FBXO38: variants seen among roughly 807,000 people sequenced by gnomAD.
FBXO38 encodes the protein F-box only protein 38.
A neutral mutation model predicts 131.9 loss-of-function variants in FBXO38; 53 were observed. The observed-to-expected ratio is 0.40, with a 90% CI of 0.32 to 0.51. The LOEUF is 0.51. FBXO38 is among the 20% of genes least tolerant of loss of function. The pLI, the probability that FBXO38 is intolerant of heterozygous loss-of-function variation, is 0.53. For synonymous variants in FBXO38, 452 were observed against 505.6 expected, an observed-to-expected ratio of 0.89 and a Z score of 1.42; for missense variants, 1,076 against 1,475.6, an observed-to-expected ratio of 0.73 and a Z score of 4.44.
intron 14 of FBXO38, 71 bp downstream of exon 14, chr5:148,425,772 G>C: frequency 7.6e-7 from 1 of 1,311,274 alleles, no homozygotes; most frequent in Non-Finnish European, 1.1e-6. Flanking sequence ...GCCTTAATAT[G>C]ACAACTTGGG....
chr5:148,385,677 G>A (rs1363679512), intron 1 of FBXO38, among the ~76,000 whole-genome samples: 1 of 152,194 alleles, frequency 6.6e-6, no homozygotes, highest in Non-Finnish European at 1.5e-5. Context: ...TTTATGTGGT[G>A]TGGTATTTCT....
At chr5:148,402,681 CACTGGTGTGAGGGAAAT>C (rs1748633976) in intron 5 of FBXO38, 168 bp downstream of exon 5, 2 of 542,250 alleles carry the variant, frequency 3.7e-6, no homozygotes, top group African/African-American at 3.8e-5. Flanking sequence ...ATTAAAGATC[CACTGGTGTGAGGGAAAT>C]ACTGCTTCAC....
intron 7 of FBXO38, among the ~76,000 whole-genome samples, chr5:148,408,683 A>G (rs187871658): frequency 1.3e-5 from 2 of 152,332 alleles, no homozygotes; most frequent in East Asian, 1.9e-4. Flanking sequence ...TCTTTAAGCT[A>G]TATATTAGTA....
chr5:148,414,051 C>G, intron 9 of FBXO38, 85 bp from the exon 10 acceptor site: 1 of 1,309,434 alleles, frequency 7.6e-7, no homozygotes, highest in South Asian at 1.5e-5. Flanking sequence ...ACTTTTTATA[C>G]TGACTGGTAA....
chr5:148,395,030 AATTT>A (rs1274472959), intron 2 of FBXO38, 126 bp downstream of exon 2: 4 of 1,049,838 alleles, frequency 3.8e-6, no homozygotes, highest in Non-Finnish European at 4.0e-6. Flanking sequence ...AAAAATGTAA[AATTT>A]AGTTCGTCAG....
chr5:148,426,168 C>T (rs1391741758), intron 14 of FBXO38, among the ~76,000 whole-genome samples: 29 of 152,138 alleles, frequency 1.9e-4, no homozygotes, highest in Non-Finnish European at 1.5e-5. Context: ...GGCAACAACC[C>T]TCTGCAGTGC....
At position 148,425,470 on chromosome 5, in the gene FBXO38, T is replaced by C. The variant is rs1753658910; in HGVS notation, c.1739-52T>C. The C allele has an allele frequency of 2.1e-6, 3 of 1,417,276 alleles. No individual in the cohort carries two copies. In the African/African-American group the frequency reaches 4.3e-5, roughly 20 times the overall value. The allele number at this position is 1,417,276 out of a possible 1,614,324, so 87.8% of individuals were successfully genotyped here. The stretch of plus-strand genomic sequence containing the variant: ...GATCCCTGGAAACAGTACTTTGCAT[T>C]AGATCCTTTCTTGCGCAAAAAGTAA... On this transcript the variant is annotated intron_variant, in intron 13 of 21. Transcript: ENST00000340253.
chr5:148,413,839 AT>A, intron 9 of FBXO38: 1 of 244,724 alleles, frequency 4.1e-6, no homozygotes, highest in Non-Finnish European at 7.8e-6. Flanking sequence ...AACCAGTATG[AT>A]AGATCCTTCA....
chr5:148,435,194 C>T (rs972708542), intron 17 of FBXO38: 1 of 152,204 alleles, frequency 6.6e-6, no homozygotes, highest in Non-Finnish European at 1.5e-5. Flanking sequence ...GAGAGTATTG[C>T]CTGAATGTTG....
intron 17 of FBXO38, chr5:148,434,021 A>G (rs561993054): frequency 3.5e-4 from 75 of 214,094 alleles, no homozygotes; most frequent in Middle Eastern, 3.4e-3. Context: ...CTTTGGAGTC[A>G]GATAGACCTC....
chr5:148,395,796 A>G (rs1045980900), intron 2 of FBXO38, among the ~76,000 whole-genome samples: 2 of 151,790 alleles, frequency 1.3e-5, no homozygotes, highest in African/African-American at 4.8e-5. Context: ...ACTGCTTACT[A>G]TTCTATGGAA....
chr5:148,419,514 A>G (rs188416167), intron 12 of FBXO38, among the ~76,000 whole-genome samples: 59 of 152,346 alleles, frequency 3.9e-4, no homozygotes, highest in African/African-American at 1.3e-3. Flanking sequence ...CAAATCTTCA[A>G]GTGAAAATAA....
chr5:148,429,392 A>G (rs1476268028), intron 15 of FBXO38, among the ~76,000 whole-genome samples: 3 of 151,042 alleles, frequency 2.0e-5, no homozygotes, highest in Non-Finnish European at 2.9e-5. Flanking sequence ...ATGGATGTCC[A>G]TTCTCGTGCT....
rs1295909371 is a variant in FBXO38 at position 148,399,455 on chromosome 5, T to C, written c.262+323T>C. Reference sequence around the variant, plus strand: ...ACATTAGACACTGTGTGTCCTTTACTGTCTGATGCATGTTTTCCGGTGAAT... The same window carrying C: ...ACATTAGACACTGTGTGTCCTTTACCGTCTGATGCATGTTTTCCGGTGAAT... On this transcript the variant is annotated intron_variant, in intron 3 of 21. Coordinates refer to ENST00000340253, the MANE Select transcript of FBXO38 (RefSeq NM_205836.3). 2.5e-5 allele frequency: 5 copies of C among 201,090 alleles called. No homozygotes were observed. In the East Asian group the frequency reaches 4.9e-4, roughly 20 times the overall value. 12.5% of individuals were successfully genotyped at this position (201,090 alleles called of 1,614,324 possible). A position where few individuals can be genotyped will look rare whatever the true frequency, so the allele number is the denominator to read the frequency against.
At chr5:148,411,036 T>C (rs1317446675) in intron 9 of FBXO38, among the ~76,000 whole-genome samples, 1 of 152,216 alleles carries the variant, frequency 6.6e-6, no homozygotes, top group Non-Finnish European at 1.5e-5. Context: ...GTCTCCACTT[T>C]ACTGCCCAAG....
chr5:148,407,213 A>T (rs564855369), intron 7 of FBXO38, among the ~76,000 whole-genome samples: 2 of 152,360 alleles, frequency 1.3e-5, no homozygotes, highest in African/African-American at 4.8e-5. Context: ...ATTTTGATTG[A>T]TGGCGATAGT....
intron 20 of FBXO38, 32 bp from the exon 21 acceptor site, chr5:148,441,092 C>T (rs1056358786): frequency 5.2e-6 from 8 of 1,531,308 alleles, no homozygotes; most frequent in Non-Finnish European, 7.2e-6. Flanking sequence ...AGCACTCCCA[C>T]GCCAGTTAGC....
chr5:148,420,269 C>T lies in FBXO38; in HGVS notation c.1618+3065C>T, dbSNP rs575740838. Among the ~76,000 whole-genome samples the T allele has an allele frequency of 2.5e-4, 38 of 151,776 alleles. 1 individual carries two copies. Among genetic ancestry groups the T allele is most frequent in the South Asian group, 2.1e-4 (1 of 4,804 alleles). On this transcript the variant is annotated intron_variant, in intron 12 of 21. Transcript: ENST00000340253. ...TCCCGAGTAGCTGGGACTACAAACG[C>T]GTGACACCACTCTCAGCTGATTTTT...
chr5:148,439,077 G>A (rs1233995472), intron 18 of FBXO38, among the ~76,000 whole-genome samples: 1 of 152,160 alleles, frequency 6.6e-6, no homozygotes. Flanking sequence ...TATGCTGGGT[G>A]CAAATAAAAA....
Sources: allele counts gnomAD v4.1 joint callset (sites outside exome capture counted in the v4.1 genomes callset), GRCh38; gene constraint gnomAD v4.1.1; transcripts MANE v1.5; gene names NCBI Gene and HGNC (gene_info 2026-07-23, HGNC 2026-07-21).